DPP10: variants seen among roughly 807,000 people sequenced by gnomAD.
DPP10 encodes the protein inactive dipeptidyl peptidase 10.
DPP10 carries 33 observed loss-of-function variants against 120.9 expected under a neutral mutation model. That is an observed-to-expected ratio of 0.27 (90% CI 0.21 to 0.37). The LOEUF (loss-of-function observed/expected upper bound fraction) is 0.37, where lower values mean the gene tolerates loss of function less well. Among genes scored for constraint, DPP10 ranks in the 10% least tolerant of loss-of-function variants. The pLI, the probability that DPP10 is intolerant of heterozygous loss-of-function variation, is 1.00. For missense variants in DPP10, 816 were observed against 942.8 expected (o/e 0.87, Z 1.76); for synonymous variants, 337 against 326.1 (o/e 1.03, Z -0.36).
In DPP10 at chr2:115,739,820, T is replaced by C. The variant is rs769135057; in HGVS notation, c.779T>C (p.Leu260Ser). 3 of 1,613,606 alleles carry C rather than the reference T, an allele frequency of 1.9e-6. No individual in the cohort carries two copies. Among genetic ancestry groups the C allele is most frequent in the Non-Finnish European group, 1.7e-6 (2 of 1,179,598 alleles). ...GCCTTCCTGATGATAAATGACTCTT[T>C]GGTACCCACCATGGTTATCCCTCGG... The part of the protein sequence containing the change: ...RLAFLMINDS[L>S]VPTMVIPRFT... Residue 260 changes from leucine to serine, a missense_variant, in exon 9 of 26, where the codon TTG becomes TCG. By Grantham distance (145) the Leu-to-Ser change is moderately radical. Around this residue, in one of 3 missense-constraint regions of DPP10, gnomAD observed 592 missense variants for 649.0 expected, o/e 0.91. Coordinates refer to ENST00000410059, the MANE Select transcript of DPP10 (RefSeq NM_020868.6).
At position 115,188,397 on chromosome 2, in the gene DPP10, T is replaced by A. The variant is rs757742598; in HGVS notation, c.61-120842T>A. Among the ~76,000 whole-genome samples the A allele has an allele frequency of 1.6e-4, 25 of 152,248 alleles. 1 individual carries two copies. Among genetic ancestry groups the A allele is most frequent in the Middle Eastern group, 3.4e-3 (1 of 294 alleles). Reference sequence around the variant, plus strand: ...ACTGGATCTTTCTGTATAAAGAAGTTTGGGCTAATATCTAGAACTACATTA... The same window carrying A: ...ACTGGATCTTTCTGTATAAAGAAGTATGGGCTAATATCTAGAACTACATTA... On this transcript the variant is annotated intron_variant, in intron 1 of 25. Transcript: ENST00000410059.
At chr2:115,177,520 T>C (rs2053773917) in intron 1 of DPP10, among the ~76,000 whole-genome samples, 1 of 152,194 alleles carries the variant, frequency 6.6e-6, no homozygotes, top group African/African-American at 2.4e-5. Flanking sequence ...ACATCAAATA[T>C]TACACAAATA....
At chr2:115,085,760 A>G (rs1333690836) in intron 1 of DPP10, among the ~76,000 whole-genome samples, 2 of 152,218 alleles carry the variant, frequency 1.3e-5, no homozygotes, top group East Asian at 1.9e-4. Context: ...ACTGTTTTAT[A>G]AAATATGTTT....
intron 1 of DPP10, among the ~76,000 whole-genome samples, chr2:114,941,839 G>A (rs912880876): frequency 1.3e-5 from 2 of 152,126 alleles, no homozygotes; most frequent in Admixed American, 6.6e-5. Flanking sequence ...CTCTATAGGG[G>A]TGCTGAGAAA....
rs370685601 is a variant in DPP10 at position 114,950,357 on chromosome 2, C to T, written c.61-358882C>T. On this transcript the variant is annotated intron_variant, in intron 1 of 25. Transcript: ENST00000410059. ...GTCCCCAGACTGGAGTGCAGTGGCG[C>T]GATCTTGGCTCACTGCAAGCTCCGC... Among the ~76,000 whole-genome samples the T allele has an allele frequency of 1.0e-4, 15 of 144,046 alleles. No homozygotes were observed. The South Asian group carries it at 3.1e-3, about 30-fold the overall frequency. 94.5% of individuals were successfully genotyped at this position (144,046 alleles called of 152,430 possible). A position where few individuals can be genotyped will look rare whatever the true frequency, so the allele number is the denominator to read the frequency against.
chr2:115,271,129 A>G (rs1043340987), intron 1 of DPP10, among the ~76,000 whole-genome samples: 8 of 152,244 alleles, frequency 5.3e-5, no homozygotes, highest in Non-Finnish European at 8.8e-5. Context: ...TATGTGTACA[A>G]TATCAACAAA....
chr2:114,679,990 C>T (rs75248866), intron 1 of DPP10, among the ~76,000 whole-genome samples: 5,089 of 151,950 alleles, frequency 0.033, 125 homozygotes, highest in Middle Eastern at 0.065. Flanking sequence ...AGGTATTTTC[C>T]CCTAGGATAT....
intron 5 of DPP10, among the ~76,000 whole-genome samples, chr2:115,624,404 C>G (rs1356295006): frequency 6.6e-6 from 1 of 152,088 alleles, no homozygotes; most frequent in African/African-American, 2.4e-5. Context: ...TCAAGCCCCC[C>G]AAAAGGCAAA....
At chr2:115,355,354 G>A (rs1333833162) in intron 3 of DPP10, among the ~76,000 whole-genome samples, 1 of 152,076 alleles carries the variant, frequency 6.6e-6, no homozygotes, top group Non-Finnish European at 1.5e-5. Context: ...CCGTGTACAT[G>A]TCTTCTTTCG....
At chr2:115,015,603 C>G (rs538227384) in intron 1 of DPP10, among the ~76,000 whole-genome samples, 1 of 152,244 alleles carries the variant, frequency 6.6e-6, no homozygotes, top group Non-Finnish European at 1.5e-5. Context: ...TAGAAAACCC[C>G]ATCATCTCAG....
chr2:114,597,983 G>T (rs894761468), intron 1 of DPP10, among the ~76,000 whole-genome samples: 7 of 152,004 alleles, frequency 4.6e-5, no homozygotes, highest in Admixed American at 3.3e-4. Context: ...TGACTTTGGG[G>T]ATTAAGAGAA....
intron 5 of DPP10, among the ~76,000 whole-genome samples, chr2:115,652,417 G>T (rs35101248): frequency 1.3e-5 from 2 of 150,678 alleles, no homozygotes; most frequent in Non-Finnish European, 3.0e-5. Flanking sequence ...ATATGTGTGT[G>T]TGTGTGTGTG....
At chr2:114,537,237 C>G (rs928290699) in intron 1 of DPP10, among the ~76,000 whole-genome samples, 3 of 152,146 alleles carry the variant, frequency 2.0e-5, no homozygotes, top group African/African-American at 7.2e-5. Context: ...GTCGGCTAGA[C>G]TACCGTGAGA....
rs185973336 is a variant in DPP10, at chr2:115,278,717, A to G, written c.61-30522A>G. 1.7e-3 allele frequency among the ~76,000 whole-genome samples: 260 copies of G among 152,146 alleles called. 1 individual carries two copies. The highest frequency in any genetic ancestry group is 6.2e-4 in the Non-Finnish European group (42 of 67,998). ...TTCCCTGGGAACTAGTAGGGTGAGA[A>G]TTCAGTTGCCCCAAGGGAGGACATT... On this transcript the variant is annotated intron_variant, in intron 1 of 25. Transcript: ENST00000410059.
chr2:114,834,882 A>ACCT (rs1687557159), intron 1 of DPP10, among the ~76,000 whole-genome samples: 1 of 148,334 alleles, frequency 6.7e-6, no homozygotes, highest in African/African-American at 2.6e-5. Context: ...ATATCTACAC[A>ACCT]ACTATGTATA....
intron 1 of DPP10, among the ~76,000 whole-genome samples, chr2:114,511,913 A>G (rs1684179653): frequency 6.6e-6 from 1 of 152,182 alleles, no homozygotes; most frequent in Non-Finnish European, 1.5e-5. Context: ...TTGTTTCCAG[A>G]TGATGAGTTT....
chr2:115,635,011 G>A (rs937176269), intron 5 of DPP10, among the ~76,000 whole-genome samples: 1 of 152,058 alleles, frequency 6.6e-6, no homozygotes, highest in Admixed American at 6.6e-5. Context: ...CCACAGCCAC[G>A]GTGCTGCACT....
At chr2:115,491,915 A>G (rs1456230867) in intron 3 of DPP10, among the ~76,000 whole-genome samples, 1 of 152,162 alleles carries the variant, frequency 6.6e-6, no homozygotes, top group Non-Finnish European at 1.5e-5. Flanking sequence ...AGGCAGGAGG[A>G]TTCTCACTAA....
intron 1 of DPP10, among the ~76,000 whole-genome samples, chr2:114,598,113 A>G (rs1692075181): frequency 6.6e-6 from 1 of 151,906 alleles, no homozygotes; most frequent in African/African-American, 2.4e-5. Context: ...AAGCAATGGC[A>G]TAATATGAAA....
Sources: allele counts gnomAD v4.1 joint callset (sites outside exome capture counted in the v4.1 genomes callset), GRCh38; gene constraint gnomAD v4.1.1; regional missense constraint gnomAD v4.1.1; transcripts MANE v1.5; gene names NCBI Gene and HGNC (gene_info 2026-07-23, HGNC 2026-07-21).